ATE1: variants seen among roughly 807,000 people sequenced by gnomAD.
ATE1 encodes arginyltransferase 1, also known as arginyl-tRNA--protein transferase 1.
In ATE1, 36 loss-of-function variants were observed where a neutral mutation model predicts 70.5. The ratio of observed to expected loss-of-function variants is 0.51; its 90% CI spans 0.39 to 0.67. The LOEUF is 0.67. Ranked by LOEUF, ATE1 falls within the 30% of genes least tolerant of loss-of-function variation. ATE1 has a pLI of 0.00. For missense variants in ATE1, 593 were observed against 629.5 expected (o/e 0.94, Z 0.62); for synonymous variants, 232 against 219.3 (o/e 1.06, Z -0.51).
intron 3 of ATE1, among the ~76,000 whole-genome samples, chr10:121,915,897 A>G (rs573337984): frequency 2.9e-4 from 42 of 143,194 alleles, no homozygotes; most frequent in African/African-American, 1.1e-3. Flanking sequence ...TCTCAAAAAA[A>G]AAACAAAACA....
At position 121,900,743 on chromosome 10, in the gene ATE1, C is replaced by T. The variant is rs77806008; in HGVS notation, c.814-749G>A. On this transcript the variant is annotated intron_variant, in intron 6 of 11. Coordinates refer to ENST00000224652, the MANE Select transcript of ATE1 (RefSeq NM_001001976.3). The stretch of plus-strand genomic sequence containing the variant: ...AATTCTATGAAGAAAGAGCGACACC[C>T]AGTGGTAAAAGATCTCTATACATCC... Among the ~76,000 whole-genome samples the T allele has an allele frequency of 3.0e-3, 459 of 152,284 alleles. 15 individuals carry two copies. In the East Asian group the frequency reaches 0.08, roughly 26 times the overall value.
At position 121,771,315 on chromosome 10, in the gene ATE1, C is replaced by T. The variant is rs571977987; in HGVS notation, c.1378+18854G>A. 1.9e-3 allele frequency among the ~76,000 whole-genome samples: 292 copies of T among 152,234 alleles called. 2 individuals are homozygous for T. Among genetic ancestry groups the T allele is most frequent in the Non-Finnish European group, 3.8e-3 (261 of 68,014 alleles). On this transcript the variant is annotated intron_variant, in intron 11 of 11. Transcript: ENST00000224652. ...TGAACTCCTGACCTCGTGATCCACC[C>T]GCCTTGGCCTCCCAAAGTGCTGGGA... is the stretch of plus-strand genomic sequence containing the variant.
chr10:121,843,486 CT>C, intron 8 of ATE1, among the ~76,000 whole-genome samples: 1 of 152,092 alleles, frequency 6.6e-6, no homozygotes, highest in Non-Finnish European at 1.5e-5. Flanking sequence ...GAACCCAATA[CT>C]GTGGAAGAAA....
At chr10:121,743,916 C>T (rs1379729278) in intron 11 of ATE1, 58 bp from the exon 12 acceptor site, 118 of 870,700 alleles carry the variant, frequency 1.4e-4, no homozygotes, top group East Asian at 4.6e-4. Flanking sequence ...TTTTTGTTTC[C>T]TTTTTTTTTT....
At chr10:121,838,040 T>C (rs1238083651) in intron 9 of ATE1, among the ~76,000 whole-genome samples, 1 of 152,102 alleles carries the variant, frequency 6.6e-6, no homozygotes, top group Non-Finnish European at 1.5e-5. Flanking sequence ...CTCTAAAATA[T>C]GTCTTGAATC....
At chr10:121,868,501 T>C (rs1326856410) in intron 8 of ATE1, among the ~76,000 whole-genome samples, 4 of 152,258 alleles carry the variant, frequency 2.6e-5, no homozygotes. Context: ...AAAACTTATA[T>C]TGTCTTCAAC....
intron 5 of ATE1, among the ~76,000 whole-genome samples, chr10:121,905,111 G>A (rs1332394003): frequency 6.6e-6 from 1 of 152,152 alleles, no homozygotes; most frequent in East Asian, 1.9e-4. Context: ...TTGGCTAGCT[G>A]ACCTTGGGCA....
At chr10:121,807,409 A>ATAAACC (rs74740907) in intron 10 of ATE1, among the ~76,000 whole-genome samples, 30,109 of 152,050 alleles carry the variant, frequency 0.2, 3,136 homozygotes, top group Middle Eastern at 0.25. Context: ...TTCATAGAGT[A>ATAAACC]TAAGTTTCAT....
rs202159245 is a variant in ATE1 at position 121,900,006 on chromosome 10, G to A, written c.814-12C>T. ...CTCACCACCCTCACCTTCAGAAGCAGTTAAAAAAACAAGTTTACTAATTCA... is the reference window on the plus strand; with the variant it reads ...CTCACCACCCTCACCTTCAGAAGCAATTAAAAAAACAAGTTTACTAATTCA... On this transcript the variant is annotated splice_polypyrimidine_tract_variant and intron_variant, in intron 6 of 11. Coordinates refer to ENST00000224652, the MANE Select transcript of ATE1 (RefSeq NM_001001976.3). 31 of 1,609,166 alleles carry A rather than the reference G, an allele frequency of 1.9e-5. No homozygotes were observed. In the East Asian group the frequency reaches 6.9e-4, roughly 36 times the overall value.
At chr10:121,746,757 C>CA (rs11318828) in intron 11 of ATE1, among the ~76,000 whole-genome samples, 331 of 147,124 alleles carry the variant, frequency 2.2e-3, no homozygotes, top group East Asian at 5.5e-3. Context: ...GTAATTGTAG[C>CA]AAAAAAAAAA....
intron 9 of ATE1, among the ~76,000 whole-genome samples, chr10:121,837,277 C>A (rs1200743597): frequency 1.3e-5 from 2 of 152,200 alleles, no homozygotes; most frequent in African/African-American, 4.8e-5. Flanking sequence ...ACATCTAATT[C>A]ATTCCTTTAT....
intron 9 of ATE1, 64 bp downstream of exon 9, chr10:121,841,018 T>C: frequency 1.6e-6 from 2 of 1,288,824 alleles, no homozygotes; most frequent in Non-Finnish European, 1.0e-6. Flanking sequence ...TTAAATATAA[T>C]CAAATGAGTA....
intron 7 of ATE1, among the ~76,000 whole-genome samples, chr10:121,885,336 G>A (rs553532808): frequency 1.6e-3 from 243 of 148,444 alleles, no homozygotes; most frequent in African/African-American, 5.7e-3. Flanking sequence ...TTGGGAGGCC[G>A]AGGCAGACAG....
intron 5 of ATE1, among the ~76,000 whole-genome samples, chr10:121,905,934 A>G (rs1465462329): frequency 6.6e-6 from 1 of 152,176 alleles, no homozygotes; most frequent in Non-Finnish European, 1.5e-5. Context: ...ATGAAAATAG[A>G]TCATCAGTGT....
intron 3 of ATE1, among the ~76,000 whole-genome samples, chr10:121,915,506 A>G (rs535826057): frequency 9.2e-5 from 14 of 152,312 alleles, no homozygotes; most frequent in African/African-American, 3.4e-4. Flanking sequence ...GAGCCCCCAG[A>G]TAAGAAGGGC....
At chr10:121,771,316 G>A (rs1441203311) in intron 11 of ATE1, among the ~76,000 whole-genome samples, 6 of 152,016 alleles carry the variant, frequency 3.9e-5, no homozygotes, top group African/African-American at 1.5e-4. Flanking sequence ...TGATCCACCC[G>A]CCTTGGCCTC....
chr10:121,895,609 C>T lies in ATE1; in HGVS notation c.942+4257G>A, dbSNP rs566492301. Among the ~76,000 whole-genome samples the T allele has an allele frequency of 2.7e-5, 4 of 147,054 alleles. No homozygotes were observed. The East Asian group carries it at 6.1e-4, about 22-fold the overall frequency. On this transcript the variant is annotated intron_variant, in intron 7 of 11. Transcript: ENST00000224652. ...AGCCTGGTTGACAAGAGCGAAACTC[C>T]GGCTCAAAAAAAAAAATTCCATCAA...
rs147057446 is a variant in ATE1, at chr10:121,767,075, C to T, written c.1378+23094G>A. ...CTCAGTAACATACAGAAGAATTACACACCATGACCAGCAGGGCTTATTTCA... is the reference window on the plus strand; with the variant it reads ...CTCAGTAACATACAGAAGAATTACATACCATGACCAGCAGGGCTTATTTCA... On this transcript the variant is annotated intron_variant, in intron 11 of 11. Coordinates refer to ENST00000224652, the MANE Select transcript of ATE1 (RefSeq NM_001001976.3). Among the ~76,000 whole-genome samples the T allele has an allele frequency of 5.3e-3, 802 of 152,266 alleles. 7 individuals carry two copies. The highest frequency in any genetic ancestry group is 0.018 in the African/African-American group (744 of 41,556).
intron 11 of ATE1, among the ~76,000 whole-genome samples, chr10:121,748,209 C>T (rs1405965070): frequency 6.6e-6 from 1 of 152,124 alleles, no homozygotes; most frequent in African/African-American, 2.4e-5. Context: ...ATAAATGAAA[C>T]ACCCTAGCAA....
Sources: allele counts gnomAD v4.1 joint callset (sites outside exome capture counted in the v4.1 genomes callset), GRCh38; gene constraint gnomAD v4.1.1; transcripts MANE v1.5; gene names NCBI Gene and HGNC (gene_info 2026-07-23, HGNC 2026-07-21).